Variants in PTPN9 observed in about 807,000 individuals in gnomAD.
PTPN9 encodes protein tyrosine phosphatase non-receptor type 9, also known as tyrosine-protein phosphatase non-receptor type 9.
PTPN9 carries 26 observed loss-of-function variants against 69.8 expected under a neutral mutation model. That is an observed-to-expected ratio of 0.37 (90% CI 0.27 to 0.52). The LOEUF (loss-of-function observed/expected upper bound fraction) is 0.52, where lower values mean the gene tolerates loss of function less well. PTPN9 is among the 20% of genes least tolerant of loss of function. PTPN9 has a pLI of 0.91. For missense variants in PTPN9, 549 were observed against 740.3 expected (o/e 0.74, Z 3.00); for synonymous variants, 274 against 272.5 (o/e 1.01, Z -0.05).
intron 1 of PTPN9, among the ~76,000 whole-genome samples, chr15:75,535,846 G>C (rs1267866845): frequency 2.0e-5 from 3 of 152,100 alleles, no homozygotes; most frequent in Non-Finnish European, 2.9e-5. Context: ...TTGCTATAAG[G>C]CAGCAAGAGG....
At chr15:75,559,514 CGT>C (rs2075094085) in intron 1 of PTPN9, among the ~76,000 whole-genome samples, 1 of 152,130 alleles carries the variant, frequency 6.6e-6, no homozygotes, top group African/African-American at 2.4e-5. Context: ...GTCCACTCAG[CGT>C]TAGATGGATT....
rs145348142 is a variant in PTPN9, at chr15:75,544,156, AT to A, written c.64-16896del. Among the ~76,000 whole-genome samples, 1,289 of 152,340 alleles carry A rather than the reference AT, an allele frequency of 8.5e-3. 19 individuals are homozygous for A. Among genetic ancestry groups the A allele is most frequent in the African/African-American group, 0.029 (1,192 of 41,574 alleles). On this transcript the variant is annotated intron_variant, in intron 1 of 12. Transcript: ENST00000618819. ...AGGAAGTAAACAATTCTAAATTGTC[AT>A]AGGAGAAAATTCATGTTAGGAGGTT...
At chr15:75,567,945 G>T (rs1031240946) in intron 1 of PTPN9, among the ~76,000 whole-genome samples, 31 of 150,032 alleles carry the variant, frequency 2.1e-4, no homozygotes, top group Non-Finnish European at 2.7e-4. Flanking sequence ...GCAGTGAGCC[G>T]AGATTGTGCC....
At chr15:75,556,309 T>C (rs953213744) in intron 1 of PTPN9, among the ~76,000 whole-genome samples, 1 of 151,616 alleles carries the variant, frequency 6.6e-6, no homozygotes, top group Non-Finnish European at 1.5e-5. Context: ...TGATCCCCCC[T>C]GCCTCGGCCT....
intron 6 of PTPN9, 38 bp from the exon 7 acceptor site, chr15:75,506,041 G>T (rs778844544): frequency 3.4e-6 from 5 of 1,479,492 alleles, no homozygotes; most frequent in Non-Finnish European, 4.7e-6. Context: ...TATGTGGGAG[G>T]AGGGAAAGGC....
At chr15:75,560,277 G>C (rs929743983) in intron 1 of PTPN9, among the ~76,000 whole-genome samples, 1 of 152,102 alleles carries the variant, frequency 6.6e-6, no homozygotes, top group African/African-American at 2.4e-5. Context: ...AATTAATCTA[G>C]AAAGGTTATT....
At chr15:75,507,802 T>C (rs1313981293) in intron 6 of PTPN9, among the ~76,000 whole-genome samples, 1 of 151,660 alleles carries the variant, frequency 6.6e-6, no homozygotes, top group Non-Finnish European at 1.5e-5. Flanking sequence ...CCCAGCACTT[T>C]GGGAGGCTGA....
chr15:75,487,294 T>G (rs971704445), intron 8 of PTPN9: 2 of 151,876 alleles, frequency 1.3e-5, no homozygotes, highest in Non-Finnish European at 2.9e-5. Flanking sequence ...ATAATTTTTT[T>G]TTTTTTGCTT....
chr15:75,525,409 GTC>G (rs2074923029), intron 2 of PTPN9, among the ~76,000 whole-genome samples: 2 of 150,690 alleles, frequency 1.3e-5, no homozygotes, highest in Admixed American at 6.6e-5. Context: ...GCCCAGGCTG[GTC>G]TCCAACTCCT....
intron 1 of PTPN9, among the ~76,000 whole-genome samples, chr15:75,567,298 G>A (rs1319780506): frequency 3.9e-5 from 6 of 152,182 alleles, no homozygotes; most frequent in South Asian, 4.1e-4. Context: ...GATTACAGGC[G>A]TGAGTCACCG....
chr15:75,562,575 T>C (rs1374805407), intron 1 of PTPN9, among the ~76,000 whole-genome samples: 1 of 152,112 alleles, frequency 6.6e-6, no homozygotes, highest in African/African-American at 2.4e-5. Context: ...CTCACGCCTG[T>C]AATCCCAACG....
At chr15:75,555,192 A>G (rs2075071755) in intron 1 of PTPN9, among the ~76,000 whole-genome samples, 1 of 152,218 alleles carries the variant, frequency 6.6e-6, no homozygotes, top group Non-Finnish European at 1.5e-5. Context: ...GTTCTAGTCC[A>G]GAACCAAATG....
intron 8 of PTPN9, among the ~76,000 whole-genome samples, chr15:75,482,637 C>T (rs1401829640): frequency 6.8e-6 from 1 of 147,968 alleles, no homozygotes; most frequent in Non-Finnish European, 1.5e-5. Context: ...GACACAAACA[C>T]TGCGGAAGGC....
At chr15:75,480,946 G>A (rs1443430690) in intron 8 of PTPN9, 16 of 202,610 alleles carry the variant, frequency 7.9e-5, no homozygotes, top group Admixed American at 5.6e-4. Flanking sequence ...TCTGGGATGT[G>A]AGGAGCCCCT....
At chr15:75,479,081 G>T (rs1043016212) in intron 9 of PTPN9, among the ~76,000 whole-genome samples, 1 of 152,196 alleles carries the variant, frequency 6.6e-6, no homozygotes, top group African/African-American at 2.4e-5. Context: ...GGCCGAAGCG[G>T]GCAGATCACG....
intron 1 of PTPN9, among the ~76,000 whole-genome samples, chr15:75,561,752 C>T (rs2075104924): frequency 6.6e-6 from 1 of 151,862 alleles, no homozygotes; most frequent in Non-Finnish European, 1.5e-5. Flanking sequence ...TTTTGTTGTC[C>T]AGGCTGGAGT....
intron 1 of PTPN9, among the ~76,000 whole-genome samples, chr15:75,562,099 C>A (rs924013992): frequency 6.6e-6 from 1 of 152,078 alleles, no homozygotes; most frequent in Non-Finnish European, 1.5e-5. Flanking sequence ...ATGATCCTCT[C>A]GCCTTGGCTT....
In PTPN9 at chr15:75,490,313, G is replaced by A. The variant is rs148342575; in HGVS notation, c.969-12C>T. 3.0e-4 allele frequency: 473 copies of A among 1,571,146 alleles called. 4 individuals are homozygous for A. The East Asian group carries it at 7.8e-3, about 26-fold the overall frequency. ...GGTTTCCTGGAGACCTGAAGGAAAC[G>A]AAACAAACAAGCAAGAATAAAGAAA... On this transcript the variant is annotated splice_polypyrimidine_tract_variant and intron_variant, in intron 7 of 12. Transcript: ENST00000618819.
chr15:75,578,777 C>T lies in PTPN9; in HGVS notation c.-1G>A, dbSNP rs1353241919. On this transcript the variant is annotated 5_prime_UTR_variant, in exon 1 of 13. Transcript: ENST00000618819. ...GCCGGGGCGCGGTCGCGGGCTCCAT[C>T]CCCCCGCCACCGCCGCCGGGCGGAC... is the stretch of plus-strand genomic sequence containing the variant. The T allele has an allele frequency of 1.6e-6, 2 of 1,243,238 alleles. No homozygotes were observed. Among genetic ancestry groups the T allele is most frequent in the Non-Finnish European group, 2.0e-6 (2 of 994,260 alleles). 77.0% of individuals were successfully genotyped at this position (1,243,238 alleles called of 1,614,324 possible). A position where few individuals can be genotyped will look rare whatever the true frequency, so the allele number is the denominator to read the frequency against.
Sources: allele counts gnomAD v4.1 joint callset (sites outside exome capture counted in the v4.1 genomes callset), GRCh38; gene constraint gnomAD v4.1.1; transcripts MANE v1.5; gene names NCBI Gene and HGNC (gene_info 2026-07-23, HGNC 2026-07-21).